MUC6: variants seen among roughly 807,000 people sequenced by gnomAD.
MUC6 encodes the protein mucin-6.
A neutral mutation model predicts 201.5 loss-of-function variants in MUC6; 188 were observed. The ratio of observed to expected loss-of-function variants is 0.93; its 90% CI spans 0.83 to 1.05. The LOEUF is 1.05. Among genes scored for constraint, MUC6 ranks in the 50% least tolerant of loss-of-function variants. MUC6 has a pLI of 0.00. For synonymous variants in MUC6, 1,228 were observed against 1,389.4 expected (o/e 0.88, Z 2.58); for missense variants, 2,706 against 3,256.9 (o/e 0.83, Z 4.12).
chr11:1,023,589 T>TG lies in MUC6; in HGVS notation c.3445dup (p.Gln1149ProfsTer36). 3.1e-6 allele frequency: 5 copies of TG among 1,613,064 alleles called. No homozygotes were observed. Among genetic ancestry groups the TG allele is most frequent in the Non-Finnish European group, 4.2e-6 (5 of 1,179,760 alleles). On this transcript the variant is annotated frameshift_variant, in exon 26 of 33. Coordinates refer to ENST00000421673, the MANE Select transcript of MUC6 (RefSeq NM_005961.3). LOFTEE classifies it high-confidence loss of function. ...GTAGTGCCACGTGCAGTTGGCCTCC[T>TG]GTGTGTACTGGTACTCGCCATGGCC...
In MUC6 at chr11:1,030,951, T is replaced by C; in HGVS notation, c.680A>G (p.Gln227Arg). ...DIPSTHVRQA[Q>R]HARICTQLLT... ...ACCTGGAGCCCCCTTGCTTACGTGC[T>C]GGGCCTGCCGGACGTGGGTGCTGGG... Residue 227 changes from glutamine to arginine, a missense_variant, in exon 6 of 33, where the codon CAG becomes CGG. Around this residue, in one of 10 missense-constraint regions of MUC6, gnomAD observed 1,850 missense variants for 1,958.3 expected, o/e 0.94. Coordinates refer to ENST00000421673, the MANE Select transcript of MUC6 (RefSeq NM_005961.3). The C allele has an allele frequency of 1.3e-6, 2 of 1,571,910 alleles. No individual in the cohort carries two copies. Among genetic ancestry groups the C allele is most frequent in the Non-Finnish European group, 1.7e-6 (2 of 1,159,188 alleles).
Position 1,013,603 on chromosome 11 carries a change from G to C in MUC6, c.7173C>G (p.Ala2391=). 2 of 1,566,482 alleles carry C rather than the reference G, an allele frequency of 1.3e-6. No individual in the cohort carries two copies. The highest frequency in any genetic ancestry group is 1.7e-6 in the Non-Finnish European group (2 of 1,157,118). The part of the protein sequence containing the change: ...SFNIITQQVD[A]RCSCCRPLHS... ...GGAGGGGGCGGCAGCAGCTGCAGCG[G>C]GCATCCACCTGCTGGGTGATGATGT... Residue 2391 remains alanine, a synonymous_variant, in exon 33 of 33, where the codon GCC becomes GCG. Transcript: ENST00000421673.
intron 22 of MUC6, 83 bp from the exon 23 acceptor site, chr11:1,025,450 CAG>C (rs1856933662): frequency 2.7e-6 from 4 of 1,485,010 alleles, no homozygotes; most frequent in East Asian, 4.6e-5. Flanking sequence ...CTCTCAGAGA[CAG>C]AGCTGCCCAG....
At position 1,030,629 on chromosome 11, in the gene MUC6, C is replaced by T. The variant is rs1431696640; in HGVS notation, c.836G>A (p.Arg279His). The T allele has an allele frequency of 5.2e-6, 8 of 1,539,328 alleles. No individual in the cohort carries two copies. Among genetic ancestry groups the T allele is most frequent in the Non-Finnish European group, 7.0e-6 (8 of 1,143,904 alleles). ...SSCATLSEYS[R>H]QCSMVGQPVR... ...CGGCTGGCCCACCATGCTGCACTGG[C>T]GGGAGTACTCCGACAGGGTGGCACA... is the stretch of plus-strand genomic sequence containing the variant. The change falls in exon 7 of 33, where the codon CGC becomes CAC. Residue 279 changes from arginine to histidine, a missense_variant. Physicochemically the swap from Arg to His is conservative, Grantham distance 29 (BLOSUM62 0). Coordinates refer to ENST00000421673, the MANE Select transcript of MUC6 (RefSeq NM_005961.3).
chr11:1,020,336 C>A, intron 28 of MUC6, 79 bp from the exon 29 acceptor site: 1 of 1,512,834 alleles, frequency 6.6e-7, no homozygotes, highest in South Asian at 1.3e-5. Context: ...GCCTGCTTGG[C>A]CCTGAAGCCG....
chr11:1,035,693 G>A (rs988640186), intron 1 of MUC6, among the ~76,000 whole-genome samples: 1 of 152,090 alleles, frequency 6.6e-6, no homozygotes, highest in Non-Finnish European at 1.5e-5. Flanking sequence ...CCCTGGGGGG[G>A]TCCCACTGTG....
intron 26 of MUC6, 90 bp from the exon 27 acceptor site, chr11:1,021,367 GC>G (rs749752465): frequency 1.7e-6 from 1 of 605,808 alleles, no homozygotes; most frequent in South Asian, 3.6e-5. Context: ...CTTCCTCTCT[GC>G]TTTTTTTTTT....
At chr11:1,030,879 G>A in intron 6 of MUC6, 68 bp downstream of exon 6, 1 of 1,530,122 alleles carries the variant, frequency 6.5e-7, no homozygotes, top group Non-Finnish European at 8.8e-7. Context: ...CTGCTTGTGG[G>A]GGCCCTTGGT....
rs931185412 is a variant in MUC6, at chr11:1,036,688, C to T, written c.-33G>A. ...AGTGGAGAGGAGCTCGCGCTGGGCCCGGCAGGCCTGCTGCTGCCATCCATG... is the reference window on the plus strand; with the variant it reads ...AGTGGAGAGGAGCTCGCGCTGGGCCTGGCAGGCCTGCTGCTGCCATCCATG... On this transcript the variant is annotated 5_prime_UTR_variant, in exon 1 of 33. Transcript: ENST00000421673. 1.6e-5 allele frequency: 24 copies of T among 1,541,652 alleles called. No individual in the cohort carries two copies. The highest frequency in any genetic ancestry group is 8.2e-5 in the African/African-American group (6 of 72,844).
At chr11:1,030,401 C>CCCCCCCTTT in intron 7 of MUC6, 66 bp from the exon 8 acceptor site, 2 of 1,495,458 alleles carry the variant, frequency 1.3e-6, no homozygotes, top group Non-Finnish European at 1.8e-6. Flanking sequence ...CCCACCCCAG[C>CCCCCCCTTT]TTGATGGAGG....
In MUC6 at chr11:1,024,517, T is replaced by C. The variant is rs138489558; in HGVS notation, c.3225+327A>G. On this transcript the variant is annotated intron_variant, in intron 24 of 32. Coordinates refer to ENST00000421673, the MANE Select transcript of MUC6 (RefSeq NM_005961.3). Reference sequence around the variant, plus strand: ...GCCCTGGGCTGGGAAGTGCACGCCCTGCATCCTGGAGGTCTCCCTGACCAC... The same window carrying C: ...GCCCTGGGCTGGGAAGTGCACGCCCCGCATCCTGGAGGTCTCCCTGACCAC... 2.4e-3 allele frequency among the ~76,000 whole-genome samples: 367 copies of C among 152,304 alleles called. 2 individuals carry two copies. The highest frequency in any genetic ancestry group is 3.7e-3 in the Non-Finnish European group (253 of 68,018).
At chr11:1,031,344 C>G (rs1424614557) in intron 4 of MUC6, 85 bp from the exon 5 acceptor site, 10 of 1,326,380 alleles carry the variant, frequency 7.5e-6, no homozygotes, top group Non-Finnish European at 9.2e-6. Context: ...GCTCCTGGAC[C>G]CAGAGCCCCC....
chr11:1,016,002 G>C lies in MUC6; in HGVS notation c.6799C>G (p.Gln2267Glu). The change falls in exon 31 of 33, where the codon CAG (glutamine) becomes GAG (glutamate). Residue 2267 changes from glutamine to glutamate, a missense_variant. Gln to Glu is a conservative substitution (Grantham distance 29). This residue lies in a region of MUC6 where 586 missense variants were observed against 488.0 expected (regional missense o/e 1.20). Coordinates refer to ENST00000421673, the MANE Select transcript of MUC6 (RefSeq NM_005961.3). ...STHTAPAFSS[Q>E]STTSRSTSLT... Reference sequence around the variant, plus strand: ...GAAGTGGACCGCGAGGTGGTGGACTGAGAGGAGAAGGCAGGGGCGGTGTGG... The same window carrying C: ...GAAGTGGACCGCGAGGTGGTGGACTCAGAGGAGAAGGCAGGGGCGGTGTGG... 1 of 1,604,304 alleles carries C rather than the reference G, an allele frequency of 6.2e-7. No individual in the cohort carries two copies. The highest frequency in any genetic ancestry group is 8.5e-7 in the Non-Finnish European group (1 of 1,173,838).
rs1427608523 is a variant in MUC6, at chr11:1,016,009, G to A, written c.6792C>T (p.Phe2264=). ...TTASTHTAPA[F]SSQSTTSRST... is the part of the protein sequence containing the mutation. ...ACCGCGAGGTGGTGGACTGAGAGGA[G>A]AAGGCAGGGGCGGTGTGGGTGCTGG... The change falls in exon 31 of 33, where the codon TTC becomes TTT. Residue 2264 remains phenylalanine (F), a synonymous_variant. Transcript: ENST00000421673. 1 of 1,605,602 alleles carries A rather than the reference G, an allele frequency of 6.2e-7. No homozygotes were observed. Among genetic ancestry groups the A allele is most frequent in the Admixed American group, 1.7e-5 (1 of 59,726 alleles).
At chr11:1,026,870 G>T in intron 19 of MUC6, 71 bp downstream of exon 19, 1 of 1,396,602 alleles carries the variant, frequency 7.2e-7, no homozygotes, top group Non-Finnish European at 9.8e-7. Flanking sequence ...GTCTCCCGGA[G>T]TTCTGTGGAA....
Position 1,024,120 on chromosome 11 carries a change from C to A in MUC6, c.3226-17G>T. ...GTGGTATACCTGCAGGGGTGTGTGC[C>A]AGTCAGTGTCTGGCTGCCGGGGGAT... is the stretch of plus-strand genomic sequence containing the variant. On this transcript the variant is annotated splice_polypyrimidine_tract_variant and intron_variant, in intron 24 of 32. Coordinates refer to ENST00000421673, the MANE Select transcript of MUC6 (RefSeq NM_005961.3). The A allele has an allele frequency of 6.2e-7, 1 of 1,607,120 alleles. No individual in the cohort carries two copies.
chr11:1,030,371 C>CA, intron 7 of MUC6, 36 bp from the exon 8 acceptor site: 1 of 1,479,964 alleles, frequency 6.8e-7, no homozygotes. Context: ...GAGGGTCCCA[C>CA]CCCCCCCACC....
intron 25 of MUC6, 26 bp from the exon 26 acceptor site, chr11:1,023,678 GT>G (rs1856879095): frequency 1.1e-5 from 17 of 1,609,710 alleles, no homozygotes; most frequent in Non-Finnish European, 1.4e-5. Flanking sequence ...CTGTCAGCTG[GT>G]GGGGTTCCTG....
chr11:1,029,354 C>T lies in MUC6; in HGVS notation c.1149G>A (p.Leu383=), dbSNP rs1160424092. ...GCCGCTCCGTGCACACCCAGCGGCC[C>T]AGGGTGCACCGGCTGTGGGTGGGCG... ...IAACQTCRCT[L]GRWVCTERPC... is the part of the protein sequence containing the mutation. The change falls in exon 10 of 33, where the codon CTG becomes CTA. Residue 383 remains leucine (L), a synonymous_variant. Coordinates refer to ENST00000421673, the MANE Select transcript of MUC6 (RefSeq NM_005961.3). 1 of 1,599,154 alleles carries T rather than the reference C, an allele frequency of 6.3e-7. No homozygotes were observed. The highest frequency in any genetic ancestry group is 8.5e-7 in the Non-Finnish European group (1 of 1,173,394).
Sources: allele counts gnomAD v4.1 joint callset (sites outside exome capture counted in the v4.1 genomes callset), GRCh38; gene constraint gnomAD v4.1.1; regional missense constraint gnomAD v4.1.1; transcripts MANE v1.5; gene names NCBI Gene and HGNC (gene_info 2026-07-23, HGNC 2026-07-21).